The following MLIP variants were observed in gnomAD, a reference collection of about 807,000 sequenced individuals.
MLIP encodes the protein muscular LMNA interacting protein.
In MLIP, 79 loss-of-function variants were observed where a neutral mutation model predicts 84.8. The ratio of observed to expected loss-of-function variants is 0.93; its 90% CI spans 0.78 to 1.12. The LOEUF (loss-of-function observed/expected upper bound fraction) is 1.12. MLIP is among the 50% of genes most tolerant of loss of function. The pLI, the probability that MLIP is intolerant of heterozygous loss-of-function variation, is 0.00. For synonymous variants in MLIP, 504 were observed against 463.0 expected (o/e 1.09, Z -1.14); for missense variants, 1,257 against 1,160.6 (o/e 1.08, Z -1.21).
chr6:54,083,602 G>C (rs1179819507), intron 1 of MLIP: 8 of 1,535,844 alleles, frequency 5.2e-6, no homozygotes, highest in Non-Finnish European at 7.0e-6. Flanking sequence ...CTGGTACCTT[G>C]GATTTGAATG....
chr6:54,223,987 C>G (rs1464568254), intron 11 of MLIP, among the ~76,000 whole-genome samples: 1 of 151,310 alleles, frequency 6.6e-6, no homozygotes, highest in Non-Finnish European at 1.5e-5. Flanking sequence ...TAAAGGTCAA[C>G]CAAGTAAGCA....
chr6:54,211,696 C>T (rs1401460203), intron 11 of MLIP, among the ~76,000 whole-genome samples: 1 of 152,210 alleles, frequency 6.6e-6, no homozygotes, highest in African/African-American at 2.4e-5. Flanking sequence ...AAGTGGGATG[C>T]TACTAGCATT....
intron 1 of MLIP, among the ~76,000 whole-genome samples, chr6:54,077,763 G>A (rs1368245710): frequency 6.6e-6 from 1 of 152,130 alleles, no homozygotes; most frequent in Non-Finnish European, 1.5e-5. Flanking sequence ...AAGTTTGCAA[G>A]CAAGCAAATT....
chr6:54,145,915 G>A lies in MLIP; in HGVS notation c.2218-3141G>A, dbSNP rs186650291. On this transcript the variant is annotated intron_variant, in intron 4 of 13. Transcript: ENST00000502396. ...AAGTTGGGAGACCCCAGTGGCAGGA[G>A]TTCCTAGTCCTTAGTATATGATTTG... is the stretch of plus-strand genomic sequence containing the variant. 2.0e-5 allele frequency among the ~76,000 whole-genome samples: 3 copies of A among 152,198 alleles called. 1 individual carries two copies. The highest frequency in any genetic ancestry group is 1.3e-4 in the Admixed American group (2 of 15,270).
At position 54,133,802 on chromosome 6, in the gene MLIP, A is replaced by G. The variant is rs73741443; in HGVS notation, c.646-2913A>G. On this transcript the variant is annotated intron_variant, in intron 3 of 13. Coordinates refer to ENST00000502396, the MANE Select transcript of MLIP (RefSeq NM_001281747.2). ...CATTTCATCTTCTGTTACTGAGATT[A>G]TTGTGAATGTTTTCCAGAGTTCCAG... Among the ~76,000 whole-genome samples the G allele has an allele frequency of 5.7e-3, 862 of 152,292 alleles. 14 individuals are homozygous for G. The highest frequency in any genetic ancestry group is 0.019 in the African/African-American group (779 of 41,570).
intron 1 of MLIP, among the ~76,000 whole-genome samples, chr6:54,057,215 G>A (rs1204181150): frequency 6.6e-6 from 1 of 152,178 alleles, no homozygotes; most frequent in Non-Finnish European, 1.5e-5. Context: ...ACAAAACTCT[G>A]GTTCTAGCAC....
chr6:54,124,877 G>A lies in MLIP; in HGVS notation c.645+12G>A. On this transcript the variant is annotated intron_variant, in intron 3 of 13. Transcript: ENST00000502396. ...AAAAGCATGGGCAGGTAGGTTTTGT[G>A]TTCCTGCTGTCCATAAGGAAAAAAA... 1 of 1,554,160 alleles carries A rather than the reference G, an allele frequency of 6.4e-7. No homozygotes were observed. Among genetic ancestry groups the A allele is most frequent in the Non-Finnish European group, 8.7e-7 (1 of 1,152,552 alleles).
chr6:54,216,788 T>A (rs1352863524), intron 11 of MLIP: 4 of 985,354 alleles, frequency 4.1e-6, no homozygotes, highest in Non-Finnish European at 4.8e-6. Context: ...AGATATGCCA[T>A]ATAATCGAAA....
In MLIP at chr6:54,049,437, T is replaced by C. The variant is rs141708928; in HGVS notation, c.63+30346T>C. ...GGTGTCACTTATTGCTGGTTCGTTA[T>C]GAAGCTGCAGAAATACTGACACAAA... On this transcript the variant is annotated intron_variant, in intron 1 of 12. Transcript: ENST00000274897. 9.6e-3 allele frequency among the ~76,000 whole-genome samples: 1,457 copies of C among 152,312 alleles called. 8 individuals carry two copies. The highest frequency in any genetic ancestry group is 0.017 in the Non-Finnish European group (1,142 of 68,014).
At chr6:54,099,906 T>G (rs1830949) in intron 1 of MLIP, among the ~76,000 whole-genome samples, 88,434 of 151,888 alleles carry the variant, frequency 0.58, 26,876 homozygotes, top group South Asian at 0.71. Flanking sequence ...GAAAAAATGA[T>G]AAAAGTTGAT....
rs934716896 is a variant in MLIP at position 54,224,121 on chromosome 6, G to A, written c.2719-6593G>A. ...AAAGGACTTTATAGCATTAGAAAAC[G>A]ATAAATAGCTAGAAAGCAGAACAGT... On this transcript the variant is annotated intron_variant, in intron 11 of 13. Coordinates refer to ENST00000502396, the MANE Select transcript of MLIP (RefSeq NM_001281747.2). Among the ~76,000 whole-genome samples, 11 of 151,892 alleles carry A rather than the reference G, an allele frequency of 7.2e-5. No individual in the cohort carries two copies. The South Asian group carries it at 1.0e-3, about 14-fold the overall frequency.
intron 9 of MLIP, among the ~76,000 whole-genome samples, chr6:54,180,459 A>G (rs1776737847): frequency 6.6e-6 from 1 of 152,190 alleles, no homozygotes; most frequent in Non-Finnish European, 1.5e-5. Context: ...TTCAAGGCCA[A>G]TAACTCTTTG....
chr6:54,150,153 T>G (rs1458064870), intron 5 of MLIP, among the ~76,000 whole-genome samples: 1 of 152,134 alleles, frequency 6.6e-6, no homozygotes, highest in Non-Finnish European at 1.5e-5. Context: ...ATCTAATAAG[T>G]AGGAATTGTT....
intron 2 of MLIP, among the ~76,000 whole-genome samples, chr6:54,122,935 CTTT>C (rs543020753): frequency 6.9e-6 from 1 of 145,062 alleles, no homozygotes. Context: ...CATTTATATT[CTTT>C]TTTTTTTTTT....
intron 4 of MLIP, among the ~76,000 whole-genome samples, chr6:54,138,537 A>G (rs1267642698): frequency 8.5e-5 from 13 of 152,140 alleles, no homozygotes; most frequent in Non-Finnish European, 1.9e-4. Flanking sequence ...TCTTATATCT[A>G]TGACTCCAAG....
At chr6:54,194,182 G>A (rs1266453026) in intron 10 of MLIP, among the ~76,000 whole-genome samples, 1 of 87,914 alleles carries the variant, frequency 1.1e-5, no homozygotes, top group African/African-American at 3.9e-5. Context: ...AATGCCAGCT[G>A]ATGCATCCAG....
chr6:54,111,947 C>T (rs1027355751), intron 1 of MLIP, among the ~76,000 whole-genome samples: 18 of 152,122 alleles, frequency 1.2e-4, no homozygotes, highest in African/African-American at 3.6e-4. Flanking sequence ...TGTTAGCCTG[C>T]GTGGCATGCG....
intron 1 of MLIP, among the ~76,000 whole-genome samples, chr6:54,023,906 G>T (rs1763653191): frequency 6.6e-6 from 1 of 152,124 alleles, no homozygotes; most frequent in Non-Finnish European, 1.5e-5. Flanking sequence ...AAAGAGAAAA[G>T]AAATGGAAAA....
chr6:54,096,690 CTCT>C (rs756163957), intron 1 of MLIP, among the ~76,000 whole-genome samples: 6 of 152,206 alleles, frequency 3.9e-5, no homozygotes, highest in Non-Finnish European at 7.3e-5. Context: ...CCAATCCTGC[CTCT>C]TCTTCTTACT....
Sources: allele counts gnomAD v4.1 joint callset (sites outside exome capture counted in the v4.1 genomes callset), GRCh38; gene constraint gnomAD v4.1.1; transcripts MANE v1.5; gene names NCBI Gene and HGNC (gene_info 2026-07-23, HGNC 2026-07-21).